Variants in GCNT1 observed in about 807,000 individuals in gnomAD.
The protein encoded by GCNT1 is beta-1,3-galactosyl-O-glycosyl-glycoprotein beta-1,6-N-acetylglucosaminyltransferase.
In GCNT1, 16 loss-of-function variants were observed where a neutral mutation model predicts 26.2. That is an observed-to-expected ratio of 0.61 (90% CI 0.41 to 0.93). The LOEUF is 0.93. Among genes scored for constraint, GCNT1 ranks in the 40% least tolerant of loss-of-function variants. GCNT1 has a pLI of 0.00. For synonymous variants in GCNT1, 183 were observed against 190.8 expected (o/e 0.96, Z 0.34); for missense variants, 477 against 526.7 (o/e 0.91, Z 0.92).
rs557684688 is a variant in GCNT1, at chr9:76,503,914, G to T, written c.*246G>T. On this transcript the variant is annotated 3_prime_UTR_variant, in exon 4 of 4. Coordinates refer to ENST00000376730, the MANE Select transcript of GCNT1 (RefSeq NM_001490.5). ...TAAAGGTAGCCTTGAGGCCAGAGCA[G>T]GTAGCAAGGCATTGTGGAAAGAGGG... is the stretch of plus-strand genomic sequence containing the variant. The T allele has an allele frequency of 2.0e-6, 1 of 505,764 alleles. No homozygotes were observed. The highest frequency in any genetic ancestry group is 2.3e-5 in the South Asian group (1 of 43,988). The allele number at this position is 505,764 out of a possible 1,614,324, so 31.3% of individuals were successfully genotyped here.
At chr9:76,409,319 T>C in the GCNT1 span, among the ~76,000 whole-genome samples, 1 of 152,208 alleles carries the variant, frequency 6.6e-6, no homozygotes, top group Non-Finnish European at 1.5e-5. Context: ...GTTATTAAGT[T>C]GTGTGTGTGT....
At chr9:76,397,029 C>T in the GCNT1 span, among the ~76,000 whole-genome samples, 2 of 152,302 alleles carry the variant, frequency 1.3e-5, no homozygotes, top group Middle Eastern at 6.8e-3. Context: ...TGCCTGTAAT[C>T]CCAGCACTTT....
chr9:76,445,202 A>C (rs1325905677), intron 1 of GCNT1, among the ~76,000 whole-genome samples: 2 of 152,148 alleles, frequency 1.3e-5, no homozygotes, highest in Non-Finnish European at 2.9e-5. Flanking sequence ...TGCTCGGATG[A>C]TGTTCTCAAG....
chr9:76,460,658 C>G (rs1823853113), intron 2 of GCNT1, among the ~76,000 whole-genome samples: 1 of 152,130 alleles, frequency 6.6e-6, no homozygotes, highest in South Asian at 2.1e-4. Context: ...GAATTTTTTT[C>G]GGGCCCTTAA....
intron 1 of GCNT1, among the ~76,000 whole-genome samples, chr9:76,422,444 T>G (rs970808983): frequency 1.3e-5 from 2 of 152,226 alleles, no homozygotes; most frequent in Non-Finnish European, 2.9e-5. Flanking sequence ...TTAATTTTAT[T>G]TATAATTTTT....
intron 2 of GCNT1, among the ~76,000 whole-genome samples, chr9:76,493,248 A>AT (rs34784170): frequency 0.056 from 8,483 of 152,194 alleles, 288 homozygotes; most frequent in Middle Eastern, 0.11. Flanking sequence ...CATACAGGGG[A>AT]TGGCTTGCTG....
At chr9:76,440,959 G>T (rs181604495), upstream of GCNT1, among the ~76,000 whole-genome samples, 1 of 151,394 alleles carries the variant, frequency 6.6e-6, no homozygotes, top group African/African-American at 2.4e-5. Flanking sequence ...AGCTACTGAG[G>T]AGGCTGAGGT....
chr9:76,395,470 C>T, the GCNT1 span, among the ~76,000 whole-genome samples: 1 of 151,938 alleles, frequency 6.6e-6, no homozygotes, highest in African/African-American at 2.4e-5. Context: ...GCCTGTATTC[C>T]CAGTAGTTTG....
At chr9:76,487,032 C>A (rs887978296) in intron 2 of GCNT1, among the ~76,000 whole-genome samples, 1 of 152,146 alleles carries the variant, frequency 6.6e-6, no homozygotes, top group Non-Finnish European at 1.5e-5. Flanking sequence ...AGTGTGAGAC[C>A]ACAGAGGAGC....
At chr9:76,428,283 AAAAAAACTT>A (rs1290899644) in intron 1 of GCNT1, among the ~76,000 whole-genome samples, 78 of 142,432 alleles carry the variant, frequency 5.5e-4, no homozygotes, top group Non-Finnish European at 9.5e-4. Context: ...AAAAAAAAAA[AAAAAAACTT>A]AAAAAAAAAA....
chr9:76,494,547 G>C (rs1214484746), intron 2 of GCNT1, among the ~76,000 whole-genome samples: 1 of 152,176 alleles, frequency 6.6e-6, no homozygotes, highest in Non-Finnish European at 1.5e-5. Flanking sequence ...AGGCCTGCTA[G>C]TCTGAGAAAT....
chr9:76,422,856 C>A (rs1331395350), intron 1 of GCNT1, among the ~76,000 whole-genome samples: 1 of 152,148 alleles, frequency 6.6e-6, no homozygotes, highest in African/African-American at 2.4e-5. Flanking sequence ...CCTGGCCTAA[C>A]CATTATTTTT....
chr9:76,462,770 G>T (rs2131595824), intron 2 of GCNT1, among the ~76,000 whole-genome samples: 1 of 152,124 alleles, frequency 6.6e-6, no homozygotes, highest in East Asian at 1.9e-4. Flanking sequence ...AACTAAACCA[G>T]TGTTCTTTGT....
the GCNT1 span, among the ~76,000 whole-genome samples, chr9:76,395,060 G>A: frequency 6.6e-6 from 1 of 152,120 alleles, no homozygotes; most frequent in African/African-American, 2.4e-5. Flanking sequence ...CGACATGGGC[G>A]GTGACTGTCC....
chr9:76,497,401 T>C (rs1824936615), intron 2 of GCNT1, among the ~76,000 whole-genome samples: 1 of 152,220 alleles, frequency 6.6e-6, no homozygotes, highest in African/African-American at 2.4e-5. Context: ...TGAAATTAGG[T>C]TGGTTAATTA....
the GCNT1 span, chr9:76,394,174 T>G: frequency 6.3e-6 from 10 of 1,598,970 alleles, no homozygotes; most frequent in Non-Finnish European, 8.5e-6. Flanking sequence ...TGCCTCATAA[T>G]GCAGTCCGCT....
exon 1 of GCNT1, chr9:76,441,882 A>C (rs1823489015): frequency 6.6e-6 from 1 of 152,264 alleles, no homozygotes; most frequent in Admixed American, 6.5e-5. Flanking sequence ...GAGAAACCTG[A>C]AACCTGAAGA....
At chr9:76,431,645 A>T (rs1027086616) in intron 1 of GCNT1, among the ~76,000 whole-genome samples, 2 of 152,112 alleles carry the variant, frequency 1.3e-5, no homozygotes, top group African/African-American at 4.8e-5. Context: ...CACTTGATTG[A>T]ACTCAATCTC....
At chr9:76,401,286 G>A in the GCNT1 span, among the ~76,000 whole-genome samples, 2 of 152,040 alleles carry the variant, frequency 1.3e-5, no homozygotes, top group South Asian at 2.1e-4. Flanking sequence ...ATGGGATCTC[G>A]CTATGTTGCC....
Sources: gnomAD v4.1 joint callset for allele counts (sites outside exome capture counted in the v4.1 genomes callset) on GRCh38, gnomAD v4.1.1 for gene constraint, MANE v1.5 for transcripts, NCBI Gene and HGNC (gene_info 2026-07-23, HGNC 2026-07-21) for gene names.